The following APOB variants were observed in gnomAD, a reference collection of about 807,000 sequenced individuals.
APOB encodes apolipoprotein B, also known as apolipoprotein B-100.
APOB carries 153 observed loss-of-function variants against 314.1 expected under a neutral mutation model. The observed-to-expected ratio is 0.49, with a 90% CI of 0.43 to 0.56. The LOEUF (loss-of-function observed/expected upper bound fraction) is 0.56. Ranked by LOEUF, APOB falls within the 20% of genes least tolerant of loss-of-function variation. APOB has a pLI of 0.00. For missense variants in APOB, 5,430 were observed against 5,350.7 expected (o/e 1.01, Z -0.46); for synonymous variants, 2,087 against 2,036.4 (o/e 1.02, Z -0.67).
chr2:21,032,285 TACAGAGATGC>T, intron 10 of APOB, 59 bp downstream of exon 10: 6 of 1,400,742 alleles, frequency 4.3e-6, no homozygotes, highest in Admixed American at 1.7e-5. Flanking sequence ...TCAGTTTTAA[TACAGAGATGC>T]ACAGAGGTGC....
At position 21,011,339 on chromosome 2, in the gene APOB, A is replaced by G. The variant is rs1275419607; in HGVS notation, c.5529T>C (p.Ser1843=). ...NNEIKHIYAI[S]SAALSASYKA... Reference sequence around the variant, plus strand: ...TATAGCTTGCTGATAAGGCAGCAGAAGAGATGGCATAGATGTGTTTTATTT... The same window carrying G: ...TATAGCTTGCTGATAAGGCAGCAGAGGAGATGGCATAGATGTGTTTTATTT... Residue 1843 remains serine (S), a synonymous_variant, in exon 26 of 29, where the codon TCT becomes TCC. Coordinates refer to ENST00000233242, the MANE Select transcript of APOB (RefSeq NM_000384.3). The G allele has an allele frequency of 6.2e-7, 1 of 1,614,102 alleles. No individual in the cohort carries two copies. Among genetic ancestry groups the G allele is most frequent in the Non-Finnish European group, 8.5e-7 (1 of 1,180,034 alleles).
At chr2:21,027,052 C>T in intron 14 of APOB, 88 bp from the exon 15 acceptor site, 1 of 1,230,812 alleles carries the variant, frequency 8.1e-7, no homozygotes, top group Non-Finnish European at 1.2e-6. Context: ...GTCCATTTAT[C>T]TAAACAAGTA....
chr2:21,002,103 A>G lies in APOB; in HGVS notation c.13319T>C (p.Val4440Ala), dbSNP rs953483853. ...AATATTTCTGTGCAGAAATTGCTCA[A>G]CTTGACTTGAGAGTTGGGAAGTAAA... is the stretch of plus-strand genomic sequence containing the variant. ...SNFTSQLSSQ[V>A]EQFLHRNIQE... The change falls in exon 29 of 29, where the codon GTT (valine) becomes GCT (alanine). Residue 4440 changes from valine (V) to alanine (A), a missense_variant. Physicochemically the swap from Val to Ala is moderately conservative, Grantham distance 64. Coordinates refer to ENST00000233242, the MANE Select transcript of APOB (RefSeq NM_000384.3). 7 of 1,613,834 alleles carry G rather than the reference A, an allele frequency of 4.3e-6. No homozygotes were observed. Among genetic ancestry groups the G allele is most frequent in the Non-Finnish European group, 5.9e-6 (7 of 1,179,954 alleles).
Position 21,015,189 on chromosome 2 carries a change from G to A in APOB, c.3580C>T (p.Pro1194Ser). The A allele has an allele frequency of 6.2e-7, 1 of 1,614,164 alleles. No homozygotes were observed. Among genetic ancestry groups the A allele is most frequent in the South Asian group, 1.1e-5 (1 of 91,082 alleles). ...VDTKKMTSNF[P>S]VDLSDYPKSL... is the part of the protein sequence containing the mutation. Reference sequence around the variant, plus strand: ...TTAGGATAATCGGAGAGATCCACAGGGAAATTGGAAGTCATTTTTTTGGTA... The same window carrying A: ...TTAGGATAATCGGAGAGATCCACAGAGAAATTGGAAGTCATTTTTTTGGTA... Residue 1194 changes from proline to serine, a missense_variant, in exon 23 of 29, where the codon CCT becomes TCT. Physicochemically the swap from Pro to Ser is moderately conservative, Grantham distance 74. This residue lies in a region of APOB where 2,085 missense variants were observed against 2,079.7 expected (regional missense o/e 1.00). Coordinates refer to ENST00000233242, the MANE Select transcript of APOB (RefSeq NM_000384.3).
At chr2:21,013,615 A>G in intron 24 of APOB, 82 bp from the exon 25 acceptor site, 1 of 1,581,654 alleles carries the variant, frequency 6.3e-7, no homozygotes, top group East Asian at 2.2e-5. Context: ...TCACAACAAT[A>G]TTGTACTTGC....
chr2:21,003,365 T>G, intron 28 of APOB, 31 bp from the exon 29 acceptor site: 1 of 1,577,664 alleles, frequency 6.3e-7, no homozygotes, highest in Non-Finnish European at 8.7e-7. Context: ...AAATAACATG[T>G]TTTCAATTAC....
rs1663372136 is a variant in APOB, at chr2:21,013,078, TC to T, written c.4216+81del. ...AAGATTATCTGCTAGAAAGCCAAAG[TC>T]CTTTCCTCCCTGGAGGAGGCTCTCC... On this transcript the variant is annotated intron_variant, in intron 25 of 28. Transcript: ENST00000233242. 3.8e-6 allele frequency: 6 copies of T among 1,572,980 alleles called. No homozygotes were observed. In the East Asian group the frequency reaches 1.3e-4, roughly 35 times the overall value.
rs1445489684 is a variant in APOB, at chr2:21,009,640, T to TA, written c.7227dup (p.Lys2410Ter). ...TTGTTAACATCTTCAATGAATGTTT[T>TA]AAAAGATAATTCATTAAGCTTCTTG... On this transcript the variant is annotated frameshift_variant, in exon 26 of 29. Coordinates refer to ENST00000233242, the MANE Select transcript of APOB (RefSeq NM_000384.3). LOFTEE classifies it high-confidence loss of function. 6.2e-7 allele frequency: 1 copy of TA among 1,613,706 alleles called. No homozygotes were observed. Among genetic ancestry groups the TA allele is most frequent in the Non-Finnish European group, 8.5e-7 (1 of 1,179,778 alleles).
Position 21,026,967 on chromosome 2 carries a change from G to C in APOB, c.2068-3C>G, listed in dbSNP as rs773012786. ...AAGCCTTTTCCTTCCAAGCCAATCT[G>C]AGAAAGAAAATCAGACAAGAAAATG... On this transcript the variant is annotated splice_region_variant and splice_polypyrimidine_tract_variant and intron_variant, in intron 14 of 28. Transcript: ENST00000233242. The C allele has an allele frequency of 6.2e-7, 1 of 1,614,086 alleles. No homozygotes were observed. Among genetic ancestry groups the C allele is most frequent in the Non-Finnish European group, 8.5e-7 (1 of 1,180,016 alleles).
rs754169002 is a variant in APOB at position 21,026,884 on chromosome 2, G to A, written c.2148C>T (p.Asn716=). Reference sequence around the variant, plus strand: ...GACCATTAACCCAGTACAAAGCTTTGTTGACACTGTCTGGGAAAAATCCTT... The same window carrying A: ...GACCATTAACCCAGTACAAAGCTTTATTGACACTGTCTGGGAAAAATCCTT... ...GKQGFFPDSV[N]KALYWVNGQV... Residue 716 remains asparagine (N), a synonymous_variant, in exon 15 of 29, where the codon AAC becomes AAT. Coordinates refer to ENST00000233242, the MANE Select transcript of APOB (RefSeq NM_000384.3). 1.9e-6 allele frequency: 3 copies of A among 1,614,126 alleles called. No individual in the cohort carries two copies. Among genetic ancestry groups the A allele is most frequent in the Non-Finnish European group, 2.5e-6 (3 of 1,179,998 alleles).
intron 10 of APOB, among the ~76,000 whole-genome samples, chr2:21,031,509 G>C (rs1663878696): frequency 6.6e-6 from 1 of 152,178 alleles, no homozygotes; most frequent in African/African-American, 2.4e-5. Flanking sequence ...ACTATATGTT[G>C]TCTGGGTGAT....
rs780450201 is a variant in APOB at position 21,011,166 on chromosome 2, G to T, written c.5702C>A (p.Ala1901Asp). ...HFSNVFRSVM[A>D]PFTMTIDAHT... Reference sequence around the variant, plus strand: ...TGCATCGATGGTCATGGTAAACGGGGCCATTACAGAACGGAAGACATTGCT... The same window carrying T: ...TGCATCGATGGTCATGGTAAACGGGTCCATTACAGAACGGAAGACATTGCT... The change falls in exon 26 of 29, where the codon GCC becomes GAC. Residue 1901 changes from alanine to aspartate, a missense_variant. Ala to Asp is a moderately radical substitution (Grantham distance 126). Transcript: ENST00000233242. 6.2e-7 allele frequency: 1 copy of T among 1,614,192 alleles called. No individual in the cohort carries two copies. The highest frequency in any genetic ancestry group is 1.1e-5 in the South Asian group (1 of 91,078).
Position 21,032,601 on chromosome 2 carries a change from T to G in APOB, c.1125-20A>C. ...ATGGGGCTGAGAAGAAAGACATGGA[T>G]AAAGTTATACAGACCACCTTCAGGG... On this transcript the variant is annotated intron_variant, in intron 9 of 28. Coordinates refer to ENST00000233242, the MANE Select transcript of APOB (RefSeq NM_000384.3). The G allele has an allele frequency of 1.9e-6, 3 of 1,600,068 alleles. No individual in the cohort carries two copies. The highest frequency in any genetic ancestry group is 2.6e-6 in the Non-Finnish European group (3 of 1,167,810).
chr2:21,004,218 C>G (rs902841732), intron 28 of APOB, 51 bp downstream of exon 28: 4 of 1,595,696 alleles, frequency 2.5e-6, no homozygotes, highest in Non-Finnish European at 3.4e-6. Flanking sequence ...TGTATCTGCC[C>G]CAATTCTCCA....
rs145498491 is a variant in APOB at position 21,004,335 on chromosome 2, G to A, written c.12021C>T (p.Gly4007=). 2 of 1,613,980 alleles carry A rather than the reference G, an allele frequency of 1.2e-6. No individual in the cohort carries two copies. The highest frequency in any genetic ancestry group is 1.7e-6 in the Non-Finnish European group (2 of 1,179,920). Residue 4007 remains glycine, a synonymous_variant, in exon 28 of 29, where the codon GGC becomes GGT. Transcript: ENST00000233242. ...CTTCATCCATATCCATGCCCACGGT[G>A]CCTACGGCTGGGGAGGCTGCTGAGG... is the stretch of plus-strand genomic sequence containing the variant. ...ISTSAASPAV[G]TVGMDMDEDD... is the part of the protein sequence containing the mutation.
intron 12 of APOB, 32 bp from the exon 13 acceptor site, chr2:21,028,570 T>C (rs1303860833): frequency 8.7e-6 from 13 of 1,494,634 alleles, no homozygotes; most frequent in Non-Finnish European, 1.2e-5. Flanking sequence ...GTTATCACTG[T>C]CCTGTGGTCA....
At chr2:21,020,279 A>G (rs1434546559) in intron 18 of APOB, among the ~76,000 whole-genome samples, 1 of 152,126 alleles carries the variant, frequency 6.6e-6, no homozygotes, top group Non-Finnish European at 1.5e-5. Flanking sequence ...CTTTCATATG[A>G]AATCTCCTAC....
chr2:21,037,117 C>G lies in APOB; in HGVS notation c.676G>C (p.Ala226Pro). 1.2e-6 allele frequency: 2 copies of G among 1,614,202 alleles called. No homozygotes were observed. The highest frequency in any genetic ancestry group is 1.7e-6 in the Non-Finnish European group (2 of 1,180,038). ...GGACTTACCATGCCTTTGATGAGAG[C>G]AAGTGGGCTGATGCCTGTGCGGATG... ...KPIRTGISPL[A>P]LIKGMTRPLS... is the part of the protein sequence containing the mutation. Residue 226 changes from alanine to proline, a missense_variant, in exon 6 of 29, where the codon GCT becomes CCT. By Grantham distance (27) the Ala-to-Pro change is conservative (BLOSUM62 -1). Around this residue, in one of 3 missense-constraint regions of APOB, gnomAD observed 2,085 missense variants for 2,079.7 expected, o/e 1.00. Transcript: ENST00000233242.
Position 21,002,849 on chromosome 2 carries a change from G to T in APOB, c.12573C>A (p.Asp4191Glu). Residue 4191 changes from aspartate (D) to glutamate (E), a missense_variant, in exon 29 of 29, where the codon GAC (aspartate) becomes GAA (glutamate). By Grantham distance (45) the Asp-to-Glu change is conservative. Transcript: ENST00000233242. ...GGAAGTTCAGAAAATCAATGAGTGA[G>T]TCAATCAGATGCTTGACTTTCATAT... ...EFHMKVKHLI[D>E]SLIDFLNFPR... is the part of the protein sequence containing the mutation. 6.2e-7 allele frequency: 1 copy of T among 1,613,350 alleles called. No homozygotes were observed. The highest frequency in any genetic ancestry group is 8.5e-7 in the Non-Finnish European group (1 of 1,179,728).
Sources: allele counts gnomAD v4.1 joint callset (sites outside exome capture counted in the v4.1 genomes callset), GRCh38; gene constraint gnomAD v4.1.1; regional missense constraint gnomAD v4.1.1; transcripts MANE v1.5; gene names NCBI Gene and HGNC (gene_info 2026-07-23, HGNC 2026-07-21).